The following PPP4R3A variants were observed in gnomAD, a reference collection of about 807,000 sequenced individuals.
PPP4R3A encodes the protein serine/threonine-protein phosphatase 4 regulatory subunit 3A.
Under a neutral mutation model 91.7 loss-of-function variants are expected in PPP4R3A, and 15 were observed. That is an observed-to-expected ratio of 0.16 (90% CI 0.11 to 0.25). PPP4R3A has a LOEUF of 0.25. PPP4R3A is among the 10% of genes least tolerant of loss of function. The pLI is 1.00. For synonymous variants in PPP4R3A, 377 were observed against 348.7 expected (o/e 1.08, Z -0.91); for missense variants, 623 against 998.4 (o/e 0.62, Z 5.07).
intron 1 of PPP4R3A, among the ~76,000 whole-genome samples, chr14:91,502,198 T>C (rs953217991): frequency 1.1e-4 from 16 of 152,092 alleles, no homozygotes; most frequent in Admixed American, 3.3e-4. Context: ...GGTAGGAGCA[T>C]TGCTTGAGGC....
chr14:91,500,283 C>A (rs776707999), intron 1 of PPP4R3A, among the ~76,000 whole-genome samples: 1 of 152,124 alleles, frequency 6.6e-6, no homozygotes, highest in African/African-American at 2.4e-5. Context: ...TCACTGCAAC[C>A]TCCACCTCCC....
chr14:91,497,894 C>CA (rs1890679545), intron 1 of PPP4R3A, among the ~76,000 whole-genome samples: 1 of 152,172 alleles, frequency 6.6e-6, no homozygotes, highest in African/African-American at 2.4e-5. Context: ...CCTGCAAAGT[C>CA]AAGATTATTT....
At chr14:91,485,607 T>C in intron 3 of PPP4R3A, 25 bp downstream of exon 3, 5 of 1,525,620 alleles carry the variant, frequency 3.3e-6, no homozygotes, top group Non-Finnish European at 4.5e-6. Flanking sequence ...AGAAAGCATG[T>C]TGATTTTTTT....
Position 91,458,204 on chromosome 14 carries a change from G to C in PPP4R3A, c.*555C>G, listed in dbSNP as rs1887886274. ...CCACTTAAAAAAAAAAATATCTGCA[G>C]TTTGAAGGGCAAAGGGAACAGTTAA... On this transcript the variant is annotated 3_prime_UTR_variant, in exon 15 of 15. Transcript: ENST00000554943. The C allele has an allele frequency of 6.5e-6, 1 of 152,884 alleles. No homozygotes were observed. Among genetic ancestry groups the C allele is most frequent in the African/African-American group, 2.4e-5 (1 of 41,348 alleles). The allele number at this position is 152,884 out of a possible 1,614,324, so 9.5% of individuals were successfully genotyped here.
In PPP4R3A at chr14:91,475,956, T is replaced by A; in HGVS notation, c.1121A>T (p.Asp374Val). The A allele has an allele frequency of 6.3e-7, 1 of 1,582,648 alleles. No individual in the cohort carries two copies. Among genetic ancestry groups the A allele is most frequent in the South Asian group, 1.2e-5 (1 of 85,084 alleles). Reference sequence around the variant, plus strand: ...AGTAGCAGCACTTCGCACCTGTGTATCATCCATGCCCTGCAGACAAAAAAC... The same window carrying A: ...AGTAGCAGCACTTCGCACCTGTGTAACATCCATGCCCTGCAGACAAAAAAC... ...PALEVILGMDDTQVRSAATDI... is the reference protein window; with the variant it reads ...PALEVILGMDVTQVRSAATDI... Residue 374 changes from aspartate to valine, a missense_variant, in exon 7 of 15, where the codon GAT (aspartate) becomes GTT (valine). By Grantham distance (152) the Asp-to-Val change is radical. This residue lies in a region of PPP4R3A where 264 missense variants were observed against 377.3 expected (regional missense o/e 0.70). Transcript: ENST00000554943.
intron 3 of PPP4R3A, 103 bp downstream of exon 3, chr14:91,485,529 G>C (rs1419523657): frequency 1.3e-6 from 1 of 785,846 alleles, no homozygotes; most frequent in Non-Finnish European, 2.0e-6. Context: ...GAATTTAAAA[G>C]ATCAATTTGA....
intron 3 of PPP4R3A, among the ~76,000 whole-genome samples, chr14:91,483,662 CAGAG>C (rs138466517): frequency 3.4e-3 from 518 of 152,234 alleles, no homozygotes; most frequent in Non-Finnish European, 5.9e-3. Flanking sequence ...TTTAATATCT[CAGAG>C]AGCAAAATGT....
At chr14:91,500,466 T>C (rs887184902) in intron 1 of PPP4R3A, among the ~76,000 whole-genome samples, 1 of 152,130 alleles carries the variant, frequency 6.6e-6, no homozygotes, top group Non-Finnish European at 1.5e-5. Context: ...CCCAAAGTGC[T>C]TGGGATTACA....
At chr14:91,480,222 A>G (rs1889472488) in intron 4 of PPP4R3A, among the ~76,000 whole-genome samples, 1 of 152,196 alleles carries the variant, frequency 6.6e-6, no homozygotes, top group Non-Finnish European at 1.5e-5. Flanking sequence ...ATCTTACATC[A>G]TATTAAACAC....
At chr14:91,462,335 A>G in intron 12 of PPP4R3A, 96 bp from the exon 13 acceptor site, 1 of 1,207,266 alleles carries the variant, frequency 8.3e-7, no homozygotes, top group South Asian at 2.4e-5. Context: ...GGGAATTAAC[A>G]TGAAATTTAC....
chr14:91,489,354 G>A (rs1890095992), intron 2 of PPP4R3A, among the ~76,000 whole-genome samples: 1 of 152,224 alleles, frequency 6.6e-6, no homozygotes, highest in Admixed American at 6.5e-5. Flanking sequence ...ACTAGGATAA[G>A]TGTAAAGCCA....
At chr14:91,469,624 A>C (rs1432143172) in intron 10 of PPP4R3A, among the ~76,000 whole-genome samples, 3 of 152,194 alleles carry the variant, frequency 2.0e-5, no homozygotes, top group Non-Finnish European at 4.4e-5. Flanking sequence ...ACTGGAGTGC[A>C]ATGGTGCAAT....
At chr14:91,506,098 A>C (rs373605454) in intron 1 of PPP4R3A, among the ~76,000 whole-genome samples, 12 of 152,150 alleles carry the variant, frequency 7.9e-5, no homozygotes, top group African/African-American at 2.6e-4. Context: ...GGCGCCCGCC[A>C]CCACACCTGG....
In PPP4R3A at chr14:91,481,502, T is replaced by C. The variant is rs572918735; in HGVS notation, c.915+74A>G. Reference sequence around the variant, plus strand: ...ATACATTAACAAAATTAAAACTCAATGTATGTATTTAAAAGGAGCAAATTG... The same window carrying C: ...ATACATTAACAAAATTAAAACTCAACGTATGTATTTAAAAGGAGCAAATTG... On this transcript the variant is annotated intron_variant, in intron 4 of 14. Coordinates refer to ENST00000554943, the MANE Select transcript of PPP4R3A (RefSeq NM_001366432.2). The C allele has an allele frequency of 1.4e-4, 197 of 1,411,250 alleles. No homozygotes were observed. The African/African-American group carries it at 2.7e-3, about 19-fold the overall frequency. 87.4% of individuals were successfully genotyped at this position (1,411,250 alleles called of 1,614,324 possible).
chr14:91,493,114 C>T (rs1243390379), intron 1 of PPP4R3A, among the ~76,000 whole-genome samples: 5 of 151,932 alleles, frequency 3.3e-5, no homozygotes, highest in South Asian at 2.1e-4. Context: ...GTAGGCTGGG[C>T]GTGGTGGCTC....
At position 91,507,994 on chromosome 14, in the gene PPP4R3A, G is replaced by A. The variant is rs573185619; in HGVS notation, c.142+1512C>T. Among the ~76,000 whole-genome samples, 560 of 152,144 alleles carry A rather than the reference G, an allele frequency of 3.7e-3. 6 individuals are homozygous for A. The highest frequency in any genetic ancestry group is 0.013 in the African/African-American group (549 of 41,504). On this transcript the variant is annotated intron_variant, in intron 1 of 14. Transcript: ENST00000554943. ...GTAAAAAATTAAAAAGAAATCTACG[G>A]ATACTTTCATCTCATAAGAAGCTGA...
At position 91,476,468 on chromosome 14, in the gene PPP4R3A, T is replaced by C; in HGVS notation, c.1050A>G (p.Arg350=). 1 of 1,612,394 alleles carries C rather than the reference T, an allele frequency of 6.2e-7. No homozygotes were observed. Among genetic ancestry groups the C allele is most frequent in the Non-Finnish European group, 8.5e-7 (1 of 1,179,604 alleles). ...TTGACAAAGTCTTGAAAAAAGCATC[T>C]CTGTTTTGAGGCTGTAGCGTTTGGG... The part of the protein sequence containing the change: ...AFSQTLQPQN[R]DAFFKTLSNM... The change falls in exon 6 of 15, where the codon AGA becomes AGG. Residue 350 remains arginine, a synonymous_variant. Transcript: ENST00000554943.
intron 7 of PPP4R3A, among the ~76,000 whole-genome samples, chr14:91,473,668 T>C (rs189679011): frequency 2.8e-4 from 43 of 152,394 alleles, no homozygotes; most frequent in Admixed American, 5.2e-4. Flanking sequence ...TCTAATAATG[T>C]AATCTACCTT....
chr14:91,481,449 C>G (rs1889553949), intron 4 of PPP4R3A, 127 bp downstream of exon 4: 1 of 1,005,618 alleles, frequency 9.9e-7, no homozygotes, highest in Non-Finnish European at 1.4e-6. Context: ...ATTATAATCT[C>G]TTAAAATAAC....
Sources: gnomAD v4.1 joint callset for allele counts (sites outside exome capture counted in the v4.1 genomes callset) on GRCh38, gnomAD v4.1.1 for gene constraint, gnomAD v4.1.1 regional missense constraint, MANE v1.5 for transcripts, NCBI Gene and HGNC (gene_info 2026-07-23, HGNC 2026-07-21) for gene names.